The following KCNJ3 variants were observed in gnomAD, a reference collection of about 807,000 sequenced individuals.
The protein encoded by KCNJ3 is potassium inwardly rectifying channel subfamily J member 3, also known as G protein-activated inward rectifier potassium channel 1.
A neutral mutation model predicts 39.2 loss-of-function variants in KCNJ3; 4 were observed. That is an observed-to-expected ratio of 0.10 (90% CI 0.05 to 0.23). KCNJ3 has a LOEUF of 0.23. Ranked by LOEUF, KCNJ3 falls within the 10% of genes least tolerant of loss-of-function variation. The pLI, the probability that KCNJ3 is intolerant of heterozygous loss-of-function variation, is 1.00. For missense variants in KCNJ3, 276 were observed against 634.9 expected, an observed-to-expected ratio of 0.43 and a Z score of 6.08; for synonymous variants, 230 against 237.4, an observed-to-expected ratio of 0.97 and a Z score of 0.29.
intron 2 of KCNJ3, among the ~76,000 whole-genome samples, chr2:154,738,578 C>T (rs1685590648): frequency 6.6e-6 from 1 of 151,700 alleles, no homozygotes; most frequent in Admixed American, 6.6e-5. Flanking sequence ...AAACTATATA[C>T]TACAAAAAAT....
intron 2 of KCNJ3, among the ~76,000 whole-genome samples, chr2:154,827,392 C>T (rs1048000298): frequency 1.3e-5 from 2 of 152,230 alleles, no homozygotes; most frequent in Admixed American, 6.5e-5. Flanking sequence ...AATCTATTAT[C>T]GTCCTGTGAC....
rs1031174908 is a variant in KCNJ3 at position 154,744,330 on chromosome 2, G to T, written c.919+34511G>T. ...TTTATACTGATTGTGTCTGCTTTTG[G>T]TATCAGGGTAATACTAGCTTCAAAA... On this transcript the variant is annotated intron_variant, in intron 2 of 2. Transcript: ENST00000295101. Among the ~76,000 whole-genome samples, 14 of 151,740 alleles carry T rather than the reference G, an allele frequency of 9.2e-5. No individual in the cohort carries two copies. The South Asian group carries it at 2.9e-3, about 31-fold the overall frequency.
intron 2 of KCNJ3, among the ~76,000 whole-genome samples, chr2:154,793,530 T>C (rs1016411281): frequency 1.3e-5 from 2 of 152,062 alleles, no homozygotes; most frequent in Admixed American, 6.6e-5. Flanking sequence ...AAAAGTGTGA[T>C]TGCTTGGGCT....
At chr2:154,821,484 C>T (rs1462392673) in intron 2 of KCNJ3, among the ~76,000 whole-genome samples, 2 of 152,062 alleles carry the variant, frequency 1.3e-5, no homozygotes, top group African/African-American at 4.8e-5. Flanking sequence ...TCAGTTTCTG[C>T]ACAGTAATTG....
At chr2:154,852,747 T>C (rs943940102) in intron 2 of KCNJ3, among the ~76,000 whole-genome samples, 3 of 152,134 alleles carry the variant, frequency 2.0e-5, no homozygotes, top group Non-Finnish European at 2.9e-5. Flanking sequence ...GGCTAGAAAG[T>C]TATTAGAAAA....
chr2:154,834,116 A>C (rs1180442192), intron 2 of KCNJ3, among the ~76,000 whole-genome samples: 1 of 152,186 alleles, frequency 6.6e-6, no homozygotes, highest in Non-Finnish European at 1.5e-5. Flanking sequence ...TAAACTGGCA[A>C]ACTGTCTTCA....
At chr2:154,784,930 A>C (rs1331781358) in intron 2 of KCNJ3, among the ~76,000 whole-genome samples, 1 of 152,206 alleles carries the variant, frequency 6.6e-6, no homozygotes, top group Non-Finnish European at 1.5e-5. Flanking sequence ...TTAGTGTGCA[A>C]AGCATTTAAA....
At chr2:154,836,206 T>C (rs1574480633) in intron 2 of KCNJ3, among the ~76,000 whole-genome samples, 1 of 78,600 alleles carries the variant, frequency 1.3e-5, no homozygotes, top group African/African-American at 4.5e-5. Context: ...CAAGACTGTC[T>C]CAAAAAAAAA....
At chr2:154,825,697 A>T (rs1405546634) in intron 2 of KCNJ3, among the ~76,000 whole-genome samples, 28 of 151,522 alleles carry the variant, frequency 1.8e-4, no homozygotes, top group Admixed American at 1.8e-3. Context: ...CCACCTCAGC[A>T]TCCCAAATAC....
Position 154,854,822 on chromosome 2 carries a change from A to C in KCNJ3, c.1015A>C (p.Lys339Gln). The part of the protein sequence containing the change: ...PVISLEEGFF[K>Q]VDYSQFHATF... The stretch of plus-strand genomic sequence containing the variant: ...AATTTCCTTAGAAGAGGGATTCTTT[A>C]AAGTTGATTACTCCCAGTTCCATGC... Residue 339 changes from lysine (K) to glutamine (Q), a missense_variant, in exon 3 of 3, where the codon AAA (lysine) becomes CAA (glutamine). Lys to Gln is a moderately conservative substitution (Grantham distance 53). Coordinates refer to ENST00000295101, the MANE Select transcript of KCNJ3 (RefSeq NM_002239.4). 6.2e-7 allele frequency: 1 copy of C among 1,613,914 alleles called. No homozygotes were observed. Among genetic ancestry groups the C allele is most frequent in the Non-Finnish European group, 8.5e-7 (1 of 1,179,896 alleles).
intron 2 of KCNJ3, among the ~76,000 whole-genome samples, chr2:154,799,346 G>A (rs1686771906): frequency 6.6e-6 from 1 of 152,018 alleles, no homozygotes; most frequent in African/African-American, 2.4e-5. Flanking sequence ...CACCATGTTG[G>A]CCAGACTGGT....
intron 2 of KCNJ3, among the ~76,000 whole-genome samples, chr2:154,816,791 T>C (rs963847398): frequency 1.3e-5 from 2 of 152,140 alleles, no homozygotes; most frequent in Non-Finnish European, 2.9e-5. Flanking sequence ...ATGTAAGTAT[T>C]AATAATTATT....
At chr2:154,825,417 T>A (rs1022281284) in intron 2 of KCNJ3, among the ~76,000 whole-genome samples, 1 of 152,182 alleles carries the variant, frequency 6.6e-6, no homozygotes, top group Non-Finnish European at 1.5e-5. Flanking sequence ...CAATATTCAA[T>A]ATCTAATGTA....
At chr2:154,749,549 C>A (rs998075718) in intron 2 of KCNJ3, among the ~76,000 whole-genome samples, 4 of 151,908 alleles carry the variant, frequency 2.6e-5, no homozygotes, top group African/African-American at 9.7e-5. Context: ...AATATGTAGC[C>A]CATGTCAGAG....
intron 1 of KCNJ3, among the ~76,000 whole-genome samples, chr2:154,706,831 CTCAGACT>C (rs1685019166): frequency 6.6e-6 from 1 of 152,076 alleles, no homozygotes; most frequent in Admixed American, 6.6e-5. Flanking sequence ...TAGTCAGAAG[CTCAGACT>C]TCAAACAATT....
At chr2:154,785,556 G>A (rs1686515348) in intron 2 of KCNJ3, among the ~76,000 whole-genome samples, 1 of 152,132 alleles carries the variant, frequency 6.6e-6, no homozygotes, top group African/African-American at 2.4e-5. Context: ...TAGTTACTAG[G>A]GGAGTGGGCT....
chr2:154,756,962 T>G (rs986623069), intron 2 of KCNJ3, among the ~76,000 whole-genome samples: 2 of 151,950 alleles, frequency 1.3e-5, no homozygotes, highest in East Asian at 1.9e-4. Flanking sequence ...CTTGGAAAAA[T>G]TGAACTCATC....
rs752237431 is a variant in KCNJ3, at chr2:154,726,752, G to GTA, written c.919+16944_919+16945dup. On this transcript the variant is annotated intron_variant, in intron 2 of 2. Coordinates refer to ENST00000295101, the MANE Select transcript of KCNJ3 (RefSeq NM_002239.4). ...ATCAAAGAGTGGATAAAGAAAATGT[G>GTA]TATATATATATACACACACACACAC... is the stretch of plus-strand genomic sequence containing the variant. Among the ~76,000 whole-genome samples the GTA allele has an allele frequency of 4.7e-3, 598 of 126,408 alleles. 6 individuals carry two copies. The highest frequency in any genetic ancestry group is 0.016 in the African/African-American group (569 of 34,514). 82.9% of individuals were successfully genotyped at this position (126,408 alleles called of 152,430 possible).
At chr2:154,702,103 C>A (rs187765178) in intron 1 of KCNJ3, among the ~76,000 whole-genome samples, 1 of 151,982 alleles carries the variant, frequency 6.6e-6, no homozygotes, top group East Asian at 1.9e-4. Context: ...AGAAGCTATA[C>A]CAAAATCTTG....
Sources: gnomAD v4.1 joint callset for allele counts (sites outside exome capture counted in the v4.1 genomes callset) on GRCh38, gnomAD v4.1.1 for gene constraint, MANE v1.5 for transcripts, NCBI Gene and HGNC (gene_info 2026-07-23, HGNC 2026-07-21) for gene names.